PDCL2: variants seen among roughly 807,000 people sequenced by gnomAD.
PDCL2 encodes the protein phosducin-like protein 2.
PDCL2 carries 23 observed loss-of-function variants against 30.3 expected under a neutral mutation model. The ratio of observed to expected loss-of-function variants is 0.76; its 90% CI spans 0.55 to 1.08. PDCL2 has a LOEUF of 1.08. Among genes scored for constraint, PDCL2 ranks in the 50% least tolerant of loss-of-function variants. The probability of loss-of-function intolerance (pLI) is 0.00; values close to 1 mark genes in which losing one functional copy is unlikely to be tolerated. For synonymous variants in PDCL2, 68 were observed against 86.2 expected (o/e 0.79, Z 1.17); for missense variants, 243 against 282.3 (o/e 0.86, Z 1.00).
At chr4:55,557,583 G>T (rs1732003015) in intron 5 of PDCL2, among the ~76,000 whole-genome samples, 2 of 151,992 alleles carry the variant, frequency 1.3e-5, no homozygotes, top group South Asian at 4.2e-4. Context: ...TTTTACTGGG[G>T]ATTACTAATT....
At chr4:55,579,562 C>T (rs716806) in intron 3 of PDCL2, among the ~76,000 whole-genome samples, 114,894 of 152,116 alleles carry the variant, frequency 0.76, 43,778 homozygotes, top group East Asian at 0.9. Flanking sequence ...GGTGATCCAC[C>T]CGCCTTGGCC....
chr4:55,591,892 A>T (rs1431048699), intron 1 of PDCL2, among the ~76,000 whole-genome samples: 3 of 152,258 alleles, frequency 2.0e-5, no homozygotes, highest in African/African-American at 7.2e-5. Context: ...CTCCAGCGAC[A>T]GACACAAGTC....
At chr4:55,557,556 C>G (rs1216811409) in intron 5 of PDCL2, among the ~76,000 whole-genome samples, 1 of 152,100 alleles carries the variant, frequency 6.6e-6, no homozygotes, top group Non-Finnish European at 1.5e-5. Context: ...CTCTTAAGGT[C>G]CCACTTCTCA....
At chr4:55,560,596 A>T in intron 5 of PDCL2, among the ~76,000 whole-genome samples, 1 of 152,194 alleles carries the variant, frequency 6.6e-6, no homozygotes, top group East Asian at 1.9e-4. Flanking sequence ...AGCCTGGGTG[A>T]CAGAGTGAGA....
At chr4:55,578,916 T>C (rs1442114847) in intron 3 of PDCL2, among the ~76,000 whole-genome samples, 1 of 152,216 alleles carries the variant, frequency 6.6e-6, no homozygotes, top group African/African-American at 2.4e-5. Flanking sequence ...ATCTTACCCA[T>C]AGGAAATTAC....
chr4:55,562,260 A>T, intron 5 of PDCL2, 144 bp downstream of exon 5: 1 of 456,388 alleles, frequency 2.2e-6, no homozygotes, highest in African/African-American at 2.0e-5. Flanking sequence ...GAGTATTACT[A>T]TAGGAAAATT....
At chr4:55,582,026 T>C (rs910064847) in intron 2 of PDCL2, 91 bp downstream of exon 2, 3 of 1,522,404 alleles carry the variant, frequency 2.0e-6, no homozygotes, top group Non-Finnish European at 2.7e-6. Context: ...TGATTTCTAA[T>C]GTCCTCTCTC....
intron 4 of PDCL2, among the ~76,000 whole-genome samples, chr4:55,565,700 C>A (rs1395275578): frequency 1.3e-5 from 2 of 152,146 alleles, no homozygotes; most frequent in Non-Finnish European, 2.9e-5. Flanking sequence ...TGATTGCATT[C>A]CCAACCAATC....
chr4:55,571,391 T>G (rs973099368), intron 3 of PDCL2, among the ~76,000 whole-genome samples: 1 of 151,334 alleles, frequency 6.6e-6, no homozygotes, highest in African/African-American at 2.4e-5. Flanking sequence ...CCTGGGTATA[T>G]TTTAAAACAT....
chr4:55,567,508 C>G (rs1001576830), intron 4 of PDCL2, among the ~76,000 whole-genome samples: 2 of 152,154 alleles, frequency 1.3e-5, no homozygotes, highest in African/African-American at 2.4e-5. Flanking sequence ...TGTACTCCAG[C>G]TTGGGAAACA....
At chr4:55,588,428 T>A (rs1056003304) in intron 1 of PDCL2, among the ~76,000 whole-genome samples, 3 of 151,812 alleles carry the variant, frequency 2.0e-5, no homozygotes, top group Admixed American at 6.6e-5. Flanking sequence ...GACTCTCTTA[T>A]CTACTTCTGA....
At chr4:55,570,944 T>C (rs1732405332) in intron 3 of PDCL2, among the ~76,000 whole-genome samples, 1 of 152,246 alleles carries the variant, frequency 6.6e-6, no homozygotes, top group Non-Finnish European at 1.5e-5. Flanking sequence ...GCTGATTCTG[T>C]AGAGTCTGCC....
rs1024901125 is a variant in PDCL2, at chr4:55,592,124, C to G, written c.-15G>C. 4 of 1,609,424 alleles carry G rather than the reference C, an allele frequency of 2.5e-6. No homozygotes were observed. Among genetic ancestry groups the G allele is most frequent in the Non-Finnish European group, 2.5e-6 (3 of 1,178,412 alleles). On this transcript the variant is annotated 5_prime_UTR_variant, in exon 1 of 6. Transcript: ENST00000295645. ...CTCACCTGCATGATGCGCTGCTCTG[C>G]CCCTCAAGAGCCCGCGTCGTCCTGC...
chr4:55,578,152 AG>A (rs148102763), intron 3 of PDCL2, among the ~76,000 whole-genome samples: 11 of 152,282 alleles, frequency 7.2e-5, no homozygotes, highest in African/African-American at 2.6e-4. Context: ...TCTTTAAAAA[AG>A]GTTATAGCTC....
At chr4:55,569,670 CT>C in intron 4 of PDCL2, 47 bp downstream of exon 4, 1 of 1,398,776 alleles carries the variant, frequency 7.1e-7, no homozygotes, top group South Asian at 1.6e-5. Flanking sequence ...AAAAATATGT[CT>C]TTTAAAATAG....
intron 3 of PDCL2, 93 bp downstream of exon 3, chr4:55,580,728 T>C: frequency 2.2e-6 from 2 of 923,492 alleles, no homozygotes; most frequent in Non-Finnish European, 3.0e-6. Context: ...TTTTGTTCTT[T>C]GTAAAATCTA....
chr4:55,585,665 T>C (rs1376751438), intron 1 of PDCL2, among the ~76,000 whole-genome samples: 1 of 152,244 alleles, frequency 6.6e-6, no homozygotes. Flanking sequence ...GGTGAAGGCA[T>C]CAGGTCCCGG....
intron 1 of PDCL2, among the ~76,000 whole-genome samples, chr4:55,587,557 T>C (rs570484441): frequency 1.1e-4 from 16 of 152,056 alleles, no homozygotes; most frequent in Non-Finnish European, 2.2e-4. Context: ...TTTTCTGTTT[T>C]TTTTAAATTT....
At position 55,580,852 on chromosome 4, in the gene PDCL2, C is replaced by A. The variant is rs1460169895; in HGVS notation, c.187G>T (p.Glu63Ter). ...QLKEAEDEFD[E>*]EDMQAVETYR... ...GTTTCAACAGCCTGCATATCTTCTTCATCAAATTCATCTTCAGCTTCCTTT... is the reference window on the plus strand; with the variant it reads ...GTTTCAACAGCCTGCATATCTTCTTAATCAAATTCATCTTCAGCTTCCTTT... Residue 63 changes from glutamate (E) to a stop codon, truncating the protein, a stop_gained, in exon 3 of 6, where the codon GAA (glutamate) becomes TAA (stop). Transcript: ENST00000295645. LOFTEE classifies it high-confidence loss of function. 7.5e-6 allele frequency: 12 copies of A among 1,610,466 alleles called. No individual in the cohort carries two copies. Among genetic ancestry groups the A allele is most frequent in the Non-Finnish European group, 1.0e-5 (12 of 1,178,502 alleles).
Sources: allele counts gnomAD v4.1 joint callset (sites outside exome capture counted in the v4.1 genomes callset), GRCh38; gene constraint gnomAD v4.1.1; transcripts MANE v1.5; gene names NCBI Gene and HGNC (gene_info 2026-07-23, HGNC 2026-07-21).